RMND1: variants seen among roughly 807,000 people sequenced by gnomAD.
The protein encoded by RMND1 is required for meiotic nuclear division 1 homolog, also known as required for meiotic nuclear division protein 1 homolog.
In RMND1, 41 loss-of-function variants were observed where a neutral mutation model predicts 54.0. The observed-to-expected ratio is 0.76, with a 90% confidence interval of 0.59 to 0.98. The LOEUF (loss-of-function observed/expected upper bound fraction) is 0.98. Ranked by LOEUF, RMND1 falls within the 50% of genes least tolerant of loss-of-function variation. The pLI is 0.00. For missense variants in RMND1, 457 were observed against 532.0 expected (o/e 0.86, Z 1.39); for synonymous variants, 183 against 181.7 (o/e 1.01, Z -0.06).
At chr6:151,435,140 G>A (rs1187458367) in intron 3 of RMND1, among the ~76,000 whole-genome samples, 9 of 149,840 alleles carry the variant, frequency 6.0e-5, no homozygotes, top group African/African-American at 1.7e-4. Context: ...GAGGCATCAC[G>A]CCCGGCCTAT....
At chr6:151,439,268 C>A (rs1377036069) in intron 2 of RMND1, among the ~76,000 whole-genome samples, 1 of 152,188 alleles carries the variant, frequency 6.6e-6, no homozygotes, top group Admixed American at 6.5e-5. Context: ...GGAATAGTTC[C>A]ATTTATCAAG....
In RMND1 at chr6:151,405,256, C is replaced by T. The variant is rs1582935572; in HGVS notation, c.1329G>A (p.Glu443=). 4 of 1,612,960 alleles carry T rather than the reference C, an allele frequency of 2.5e-6. No homozygotes were observed. Among genetic ancestry groups the T allele is most frequent in the Non-Finnish European group, 3.4e-6 (4 of 1,179,024 alleles). The change falls in exon 12 of 12, where the codon GAG becomes GAA. Residue 443 remains glutamate (E), a synonymous_variant. Transcript: ENST00000444024. ...VILITIEVMF[E]LGRVFF ...TTGATCAGAAAAATACTCGTCCCAG[C>T]TCAAACATTACCTTAGAATAGAAAG...
chr6:151,405,053 G>A lies in RMND1; in HGVS notation c.*182C>T, dbSNP rs1715969929. ...CTGGCTAATTTTGGTATTTTTAGTA[G>A]AGATGGGGTTTCACCATGTTGGCCA... On this transcript the variant is annotated 3_prime_UTR_variant, in exon 12 of 12. Coordinates refer to ENST00000444024, the MANE Select transcript of RMND1 (RefSeq NM_017909.4). 3.7e-6 allele frequency: 2 copies of A among 538,162 alleles called. No homozygotes were observed. Among genetic ancestry groups the A allele is most frequent in the South Asian group, 4.4e-5 (2 of 45,456 alleles). 33.3% of individuals were successfully genotyped at this position (538,162 alleles called of 1,614,324 possible).
chr6:151,442,207 G>A (rs1780797131), intron 2 of RMND1, among the ~76,000 whole-genome samples: 1 of 152,116 alleles, frequency 6.6e-6, no homozygotes, highest in South Asian at 2.1e-4. Flanking sequence ...CCAAGATCAC[G>A]CTTTATCCTG....
intron 1 of RMND1, among the ~76,000 whole-genome samples, chr6:151,448,427 T>C (rs944497395): frequency 6.6e-6 from 1 of 152,100 alleles, no homozygotes; most frequent in Admixed American, 6.5e-5. Context: ...TTCTAACCTC[T>C]CCCTTATACC....
At chr6:151,438,312 G>C (rs1237589859) in intron 2 of RMND1, among the ~76,000 whole-genome samples, 1 of 152,204 alleles carries the variant, frequency 6.6e-6, no homozygotes, top group Admixed American at 6.5e-5. Context: ...AAGCTTGCTA[G>C]GTGAAATCAC....
chr6:151,428,758 T>G (rs1429071407), intron 5 of RMND1, among the ~76,000 whole-genome samples: 2 of 152,134 alleles, frequency 1.3e-5, no homozygotes, highest in Non-Finnish European at 2.9e-5. Context: ...GGTCTGGAAC[T>G]CCTGAGCTTA....
chr6:151,440,550 G>A (rs1780744072), intron 2 of RMND1, among the ~76,000 whole-genome samples: 1 of 152,122 alleles, frequency 6.6e-6, no homozygotes, highest in Admixed American at 6.6e-5. Context: ...CTTTGTTGTA[G>A]GTTTTCCAGA....
rs1318937669 is a variant in RMND1, at chr6:151,430,254, A to G, written c.690-77T>C. 3 of 1,025,716 alleles carry G rather than the reference A, an allele frequency of 2.9e-6. No homozygotes were observed. In the African/African-American group the frequency reaches 4.8e-5, roughly 17 times the overall value. 63.5% of individuals were successfully genotyped at this position (1,025,716 alleles called of 1,614,324 possible). A position where few individuals can be genotyped will look rare whatever the true frequency, so the allele number is the denominator to read the frequency against. On this transcript the variant is annotated intron_variant, in intron 4 of 11. Coordinates refer to ENST00000444024, the MANE Select transcript of RMND1 (RefSeq NM_017909.4). ...TTAGGGTCGTATATAAAACCATGTA[A>G]CTTCTAGAATGTATACAGGATGCGA...
intron 2 of RMND1, among the ~76,000 whole-genome samples, chr6:151,442,299 G>C (rs1196201872): frequency 6.6e-6 from 1 of 151,928 alleles, no homozygotes; most frequent in Non-Finnish European, 1.5e-5. Flanking sequence ...TGCCACAAAA[G>C]CTTCACAAAC....
At position 151,445,692 on chromosome 6, in the gene RMND1, T is replaced by C. The variant is rs1235253492; in HGVS notation, c.120A>G (p.Thr40=). 1.2e-6 allele frequency: 2 copies of C among 1,614,178 alleles called. No homozygotes were observed. Among genetic ancestry groups the C allele is most frequent in the Non-Finnish European group, 1.7e-6 (2 of 1,180,020 alleles). ...LKPLKEFENT[T]CSTLTIRQSL... is the part of the protein sequence containing the mutation. ...TTTGACGTATTGTCAGTGTGCTGCA[T>C]GTTGTATTTTCAAATTCCTTAAGTG... Residue 40 remains threonine, a synonymous_variant, in exon 2 of 12, where the codon ACA becomes ACG. Transcript: ENST00000444024.
chr6:151,436,369 A>G (rs908436000), intron 3 of RMND1, 77 bp downstream of exon 3: 8 of 1,526,150 alleles, frequency 5.2e-6, no homozygotes, highest in Non-Finnish European at 4.5e-6. Context: ...GCAAACAAAT[A>G]CATACTTAAG....
intron 10 of RMND1, among the ~76,000 whole-genome samples, chr6:151,412,385 G>A (rs992856090): frequency 6.6e-6 from 1 of 151,638 alleles, no homozygotes; most frequent in Non-Finnish European, 1.5e-5. Flanking sequence ...TTGAACTCCT[G>A]GCCTCAAGTG....
chr6:151,414,421 T>A (rs560257343), intron 10 of RMND1, among the ~76,000 whole-genome samples: 5 of 152,118 alleles, frequency 3.3e-5, no homozygotes, highest in Non-Finnish European at 5.9e-5. Context: ...AAACTGGAGG[T>A]ATTAAAATTA....
At chr6:151,442,750 G>A (rs547566528) in intron 2 of RMND1, among the ~76,000 whole-genome samples, 2 of 150,122 alleles carry the variant, frequency 1.3e-5, no homozygotes, top group African/African-American at 4.9e-5. Flanking sequence ...TATGTTGCCA[G>A]GCTGGTCTTC....
intron 3 of RMND1, among the ~76,000 whole-genome samples, chr6:151,434,133 C>T (rs908248241): frequency 1.3e-5 from 2 of 152,238 alleles, no homozygotes; most frequent in African/African-American, 2.4e-5. Flanking sequence ...GCATGAGCCA[C>T]GGGGCCTGGC....
intron 10 of RMND1, among the ~76,000 whole-genome samples, chr6:151,409,482 G>A (rs1036390396): frequency 1.3e-5 from 2 of 152,060 alleles, no homozygotes; most frequent in East Asian, 1.9e-4. Flanking sequence ...TTTCTGGGGT[G>A]GGGGGGAATT....
intron 6 of RMND1, among the ~76,000 whole-genome samples, chr6:151,424,345 C>A (rs894497765): frequency 2.6e-5 from 4 of 151,872 alleles, no homozygotes; most frequent in African/African-American, 9.7e-5. Context: ...CGCCTGTAGT[C>A]CCAGCTACTC....
chr6:151,406,093 T>G (rs1582936636), intron 10 of RMND1, among the ~76,000 whole-genome samples: 1 of 152,190 alleles, frequency 6.6e-6, no homozygotes, highest in Non-Finnish European at 1.5e-5. Context: ...GGTTTTTGAG[T>G]CCTAGTTTTT....
Sources: allele counts gnomAD v4.1 joint callset (sites outside exome capture counted in the v4.1 genomes callset), GRCh38; gene constraint gnomAD v4.1.1; transcripts MANE v1.5; gene names NCBI Gene and HGNC (gene_info 2026-07-23, HGNC 2026-07-21).